The following SLC5A4 variants were observed in gnomAD, a reference collection of about 807,000 sequenced individuals.
The protein encoded by SLC5A4 is solute carrier family 5 member 4.
SLC5A4 carries 55 observed loss-of-function variants against 70.3 expected under a neutral mutation model. The ratio of observed to expected loss-of-function variants is 0.78; its 90% CI spans 0.63 to 0.98. The LOEUF (loss-of-function observed/expected upper bound fraction) is 0.98. SLC5A4 is among the 50% of genes least tolerant of loss of function. The pLI is 0.00. For synonymous variants in SLC5A4, 268 were observed against 305.7 expected (o/e 0.88, Z 1.29); for missense variants, 735 against 839.2 (o/e 0.88, Z 1.53).
the SLC5A4 span, among the ~76,000 whole-genome samples, chr22:32,347,008 GA>G: frequency 2.0e-5 from 3 of 152,050 alleles, no homozygotes; most frequent in African/African-American, 7.2e-5. Flanking sequence ...ACATTTACAA[GA>G]AAAAAACAAA....
the SLC5A4 span, among the ~76,000 whole-genome samples, chr22:32,322,144 G>T: frequency 1.3e-5 from 2 of 152,166 alleles, no homozygotes; most frequent in African/African-American, 4.8e-5. Context: ...AGACCTAAGG[G>T]TTGGAAACCA....
chr22:32,308,754 A>C, the SLC5A4 span, among the ~76,000 whole-genome samples: 2 of 136,178 alleles, frequency 1.5e-5, no homozygotes, highest in African/African-American at 5.4e-5. Flanking sequence ...AGATCTACCT[A>C]TGAAATCACA....
Position 32,247,660 on chromosome 22 carries a change from A to T in SLC5A4, c.373-145T>A, listed in dbSNP as rs966017505. On this transcript the variant is annotated intron_variant, in intron 4 of 14. Transcript: ENST00000266086. ...TGGAACCATGGCTTCTTACTCATAG[A>T]GGCATCCCTGATGCCATGCACAGTG... 3 of 650,716 alleles carry T rather than the reference A, an allele frequency of 4.6e-6. No homozygotes were observed. In the African/African-American group the frequency reaches 5.4e-5, roughly 12 times the overall value. The allele number at this position is 650,716 out of a possible 1,614,324, so 40.3% of individuals were successfully genotyped here.
chr22:32,257,933 G>A (rs1927573366), upstream of SLC5A4, among the ~76,000 whole-genome samples: 1 of 151,500 alleles, frequency 6.6e-6, no homozygotes. Flanking sequence ...GCCTCCCAAA[G>A]TGCTGGGATT....
the SLC5A4 span, among the ~76,000 whole-genome samples, chr22:32,348,512 G>A: frequency 3.3e-5 from 5 of 152,110 alleles, no homozygotes; most frequent in African/African-American, 1.2e-4. Context: ...CCAGAAAAGG[G>A]TCCCGATCCA....
chr22:32,316,234 G>A, the SLC5A4 span, among the ~76,000 whole-genome samples: 40 of 151,992 alleles, frequency 2.6e-4, no homozygotes, highest in Non-Finnish European at 5.0e-4. Flanking sequence ...AGTTAAAATG[G>A]TAAATGTTAT....
At chr22:32,340,545 A>G in the SLC5A4 span, among the ~76,000 whole-genome samples, 1 of 152,192 alleles carries the variant, frequency 6.6e-6, no homozygotes. Context: ...CTGAAGGAGG[A>G]CAAAGGGAGA....
chr22:32,274,636 G>C, the SLC5A4 span, among the ~76,000 whole-genome samples: 2 of 152,112 alleles, frequency 1.3e-5, no homozygotes, highest in African/African-American at 4.8e-5. Flanking sequence ...TAAAACAGTG[G>C]CCAGGAAGCC....
At chr22:32,270,897 T>G in the SLC5A4 span, 1 of 564,506 alleles carries the variant, frequency 1.8e-6, no homozygotes, top group Non-Finnish European at 3.3e-6. Flanking sequence ...GTGATCACGC[T>G]GTGCCTGTAC....
At chr22:32,282,006 G>C in the SLC5A4 span, among the ~76,000 whole-genome samples, 2 of 152,086 alleles carry the variant, frequency 1.3e-5, no homozygotes, top group Non-Finnish European at 1.5e-5. Flanking sequence ...ACCACGCCTG[G>C]CTATTTTTGT....
the SLC5A4 span, among the ~76,000 whole-genome samples, chr22:32,291,268 C>T: frequency 2.6e-5 from 4 of 151,080 alleles, no homozygotes; most frequent in East Asian, 1.9e-4. Context: ...CTCCGCCTCC[C>T]GGGTTCAAGC....
the SLC5A4 span, among the ~76,000 whole-genome samples, chr22:32,262,261 G>A: frequency 2.6e-3 from 399 of 152,268 alleles, no homozygotes; most frequent in Non-Finnish European, 4.2e-3. Context: ...GTTCTCCATA[G>A]TGGTTGTACT....
At chr22:32,310,485 G>A in the SLC5A4 span, among the ~76,000 whole-genome samples, 1 of 147,534 alleles carries the variant, frequency 6.8e-6, no homozygotes, top group Non-Finnish European at 1.5e-5. Context: ...CAGACAGGCT[G>A]TGCACCCCCT....
the SLC5A4 span, among the ~76,000 whole-genome samples, chr22:32,330,451 T>TGG: frequency 1.2e-4 from 11 of 88,356 alleles, no homozygotes; most frequent in African/African-American, 4.6e-4. Flanking sequence ...CTGGAGGCTC[T>TGG]GGGGTGTGTG....
chr22:32,262,654 T>A, the SLC5A4 span, among the ~76,000 whole-genome samples: 2 of 152,236 alleles, frequency 1.3e-5, no homozygotes, highest in Admixed American at 6.5e-5. Context: ...TTCTTTTTTT[T>A]GTTTAGACTC....
Position 32,239,587 on chromosome 22 carries a change from TATATATAAATTA to T in SLC5A4, c.478-509_478-498del, listed in dbSNP as rs1296247622. On this transcript the variant is annotated intron_variant, in intron 5 of 14. Coordinates refer to ENST00000266086, the MANE Select transcript of SLC5A4 (RefSeq NM_014227.3). Reference sequence around the variant, plus strand: ...ATATATATTTATATATATATTTATATATATATAAATTATATAAAATATATGTATAATATATAA... The same window carrying T: ...ATATATATTTATATATATATTTATATTATAAAATATATGTATAATATATAA... Among the ~76,000 whole-genome samples, 75 of 30,878 alleles carry T rather than the reference TATATATAAATTA, an allele frequency of 2.4e-3. 1 individual carries two copies. Among genetic ancestry groups the T allele is most frequent in the Non-Finnish European group, 3.7e-3 (63 of 16,940 alleles). The allele number at this position is 30,878 out of a possible 152,430, so 20.3% of individuals were successfully genotyped here. A position where few individuals can be genotyped will look rare whatever the true frequency, so the allele number is the denominator to read the frequency against.
the SLC5A4 span, among the ~76,000 whole-genome samples, chr22:32,283,394 T>C: frequency 0.63 from 95,691 of 152,130 alleles, 30,226 homozygotes; most frequent in East Asian, 0.7. Flanking sequence ...TGTCCCTGCT[T>C]CACAATGCAA....
the SLC5A4 span, among the ~76,000 whole-genome samples, chr22:32,290,427 A>G: frequency 6.6e-6 from 1 of 152,120 alleles, no homozygotes; most frequent in African/African-American, 2.4e-5. Context: ...TTAGTGGGAA[A>G]GATTTGGTTA....
At position 32,248,911 on chromosome 22, in the gene SLC5A4, A is replaced by G. The variant is rs922665902; in HGVS notation, c.313-109T>C. The G allele has an allele frequency of 3.3e-5, 24 of 727,072 alleles. No individual in the cohort carries two copies. In the Admixed American group the frequency reaches 3.3e-4, roughly 10 times the overall value. The allele number at this position is 727,072 out of a possible 1,614,324, so 45.0% of individuals were successfully genotyped here. A position where few individuals can be genotyped will look rare whatever the true frequency, so the allele number is the denominator to read the frequency against. ...GAAATTAAAAAAAAAAGTTGGCTCA[A>G]TCCTGTCCCATTCAAACAACTATAA... On this transcript the variant is annotated intron_variant, in intron 3 of 14. Coordinates refer to ENST00000266086, the MANE Select transcript of SLC5A4 (RefSeq NM_014227.3).
Sources: allele counts gnomAD v4.1 joint callset (sites outside exome capture counted in the v4.1 genomes callset), GRCh38; gene constraint gnomAD v4.1.1; transcripts MANE v1.5; gene names NCBI Gene and HGNC (gene_info 2026-07-23, HGNC 2026-07-21).